Variants in AGBL4 observed in about 807,000 individuals in gnomAD.
AGBL4 encodes the protein cytosolic carboxypeptidase 6.
AGBL4 carries 58 observed loss-of-function variants against 66.4 expected under a neutral mutation model. That is an observed-to-expected ratio of 0.87 (90% CI 0.71 to 1.09). The LOEUF is 1.09. Among genes scored for constraint, AGBL4 ranks in the 50% least tolerant of loss-of-function variants. The pLI, the probability that AGBL4 is intolerant of heterozygous loss-of-function variation, is 0.00. For synonymous variants in AGBL4, 234 were observed against 222.9 expected (o/e 1.05, Z -0.44); for missense variants, 579 against 631.0 (o/e 0.92, Z 0.88).
At chr1:49,273,142 T>C (rs1256423823) in intron 3 of AGBL4, among the ~76,000 whole-genome samples, 1 of 152,096 alleles carries the variant, frequency 6.6e-6, no homozygotes, top group African/African-American at 2.4e-5. Context: ...TTCTCACAGG[T>C]CCAGAGCAGT....
At chr1:49,934,295 C>G (rs562539132) in intron 1 of AGBL4, among the ~76,000 whole-genome samples, 152 of 152,008 alleles carry the variant, frequency 1.0e-3, no homozygotes, top group Non-Finnish European at 1.9e-3. Context: ...GTAAAATGGA[C>G]CTAAGAGACA....
chr1:48,857,253 A>T (rs1006723287), intron 6 of AGBL4, among the ~76,000 whole-genome samples: 3 of 152,234 alleles, frequency 2.0e-5, no homozygotes, highest in Admixed American at 6.5e-5. Context: ...GACAAGATGG[A>T]CAACATAATT....
chr1:50,006,920 T>C (rs936594422), intron 1 of AGBL4, among the ~76,000 whole-genome samples: 1 of 152,052 alleles, frequency 6.6e-6, no homozygotes, highest in African/African-American at 2.4e-5. Context: ...ACAAAAGACA[T>C]AGAATATTTT....
intron 9 of AGBL4, among the ~76,000 whole-genome samples, chr1:48,601,044 G>C (rs574152649): frequency 6.6e-6 from 1 of 152,100 alleles, no homozygotes; most frequent in Non-Finnish European, 1.5e-5. Flanking sequence ...ACCTTCCCAG[G>C]GCAAATGATG....
At chr1:49,353,660 C>A (rs951697123) in intron 3 of AGBL4, among the ~76,000 whole-genome samples, 4 of 152,102 alleles carry the variant, frequency 2.6e-5, no homozygotes, top group Non-Finnish European at 5.9e-5. Flanking sequence ...CTGTTTCATG[C>A]CCAATGTTGC....
intron 2 of AGBL4, among the ~76,000 whole-genome samples, chr1:49,738,791 A>G (rs1021728095): frequency 6.6e-6 from 1 of 152,188 alleles, no homozygotes; most frequent in Non-Finnish European, 1.5e-5. Flanking sequence ...ACCCAGGCAA[A>G]CAGGGTCTGG....
intron 4 of AGBL4, among the ~76,000 whole-genome samples, chr1:49,070,769 C>G (rs1040373011): frequency 3.9e-5 from 6 of 152,006 alleles, no homozygotes; most frequent in African/African-American, 1.5e-4. Flanking sequence ...GGAGGATTCC[C>G]TCTTTTTCGG....
At chr1:48,672,710 A>C (rs1224842283) in intron 6 of AGBL4, among the ~76,000 whole-genome samples, 1 of 152,222 alleles carries the variant, frequency 6.6e-6, no homozygotes, top group Non-Finnish European at 1.5e-5. Flanking sequence ...GAAGGCCCAG[A>C]CATCACAGAG....
intron 6 of AGBL4, among the ~76,000 whole-genome samples, chr1:48,735,550 A>C (rs1006081053): frequency 1.3e-5 from 2 of 151,908 alleles, no homozygotes; most frequent in Non-Finnish European, 2.9e-5. Flanking sequence ...AGGAAAAAGG[A>C]AAGGAGGGAG....
intron 4 of AGBL4, among the ~76,000 whole-genome samples, chr1:49,145,776 A>AT (rs1300091059): frequency 2.6e-5 from 4 of 152,220 alleles, no homozygotes; most frequent in Middle Eastern, 3.2e-3. Context: ...AACAAAGGAA[A>AT]TAAGTGTATC....
chr1:48,577,040 C>T (rs983993266), intron 11 of AGBL4, among the ~76,000 whole-genome samples: 3 of 152,188 alleles, frequency 2.0e-5, no homozygotes, highest in Admixed American at 6.5e-5. Context: ...ATTAAGCCCC[C>T]CTCAAATGTT....
At chr1:49,856,630 A>G (rs1646440209) in intron 1 of AGBL4, among the ~76,000 whole-genome samples, 1 of 152,136 alleles carries the variant, frequency 6.6e-6, no homozygotes, top group South Asian at 2.1e-4. Flanking sequence ...CAAAAACTGT[A>G]TGATCACCTT....
At chr1:48,900,178 A>C (rs1173128795) in intron 5 of AGBL4, among the ~76,000 whole-genome samples, 1 of 152,108 alleles carries the variant, frequency 6.6e-6, no homozygotes, top group Non-Finnish European at 1.5e-5. Context: ...TGGAGTATAG[A>C]GATGGGGACC....
intron 4 of AGBL4, among the ~76,000 whole-genome samples, chr1:49,095,637 T>C (rs1468463098): frequency 6.6e-6 from 1 of 151,966 alleles, no homozygotes; most frequent in African/African-American, 2.4e-5. Flanking sequence ...GCTAGCCATA[T>C]GTAGAAAGCT....
chr1:49,317,117 C>T (rs1380701967), intron 3 of AGBL4, among the ~76,000 whole-genome samples: 1 of 151,792 alleles, frequency 6.6e-6, no homozygotes, highest in African/African-American at 2.4e-5. Context: ...TAAAATTACA[C>T]CAACATGTTA....
intron 3 of AGBL4, among the ~76,000 whole-genome samples, chr1:49,325,729 A>G (rs1039560335): frequency 6.6e-6 from 1 of 152,214 alleles, no homozygotes; most frequent in African/African-American, 2.4e-5. Context: ...GTAATCCCCA[A>G]TGTTGCAGAT....
intron 5 of AGBL4, among the ~76,000 whole-genome samples, chr1:48,980,866 T>G (rs900215482): frequency 2.6e-5 from 4 of 151,120 alleles, no homozygotes; most frequent in Non-Finnish European, 5.9e-5. Flanking sequence ...AGCCCTCAAG[T>G]AGCTGCTAAT....
At chr1:48,843,255 T>C (rs901840306) in intron 6 of AGBL4, among the ~76,000 whole-genome samples, 1 of 152,130 alleles carries the variant, frequency 6.6e-6, no homozygotes, top group Non-Finnish European at 1.5e-5. Context: ...GGAACAACAA[T>C]GATTGATTTA....
At chr1:49,942,864 G>A (rs377209352) in intron 1 of AGBL4, among the ~76,000 whole-genome samples, 12 of 152,050 alleles carry the variant, frequency 7.9e-5, no homozygotes, top group South Asian at 2.1e-4. Context: ...ACTGAGTGAC[G>A]AGACAACCTA....
Sources: allele counts gnomAD v4.1 joint callset (sites outside exome capture counted in the v4.1 genomes callset), GRCh38; gene constraint gnomAD v4.1.1; transcripts MANE v1.5; gene names NCBI Gene and HGNC (gene_info 2026-07-23, HGNC 2026-07-21).